Variants in AKAP8L observed in about 807,000 individuals in gnomAD.
AKAP8L encodes the protein A-kinase anchoring protein 8 like.
Under a neutral mutation model 77.5 loss-of-function variants are expected in AKAP8L, and 34 were observed. That is an observed-to-expected ratio of 0.44 (90% confidence interval 0.33 to 0.58). The LOEUF (loss-of-function observed/expected upper bound fraction) is 0.58. Ranked by LOEUF, AKAP8L falls within the 20% of genes least tolerant of loss-of-function variation. AKAP8L has a pLI of 0.02. For missense variants in AKAP8L, 806 were observed against 887.6 expected, an observed-to-expected ratio of 0.91 and a Z score of 1.17; for synonymous variants, 342 against 340.7, an observed-to-expected ratio of 1.00 and a Z score of -0.04.
chr19:15,395,959 G>A (rs1967763525), intron 12 of AKAP8L, among the ~76,000 whole-genome samples: 1 of 112,188 alleles, frequency 8.9e-6, no homozygotes, highest in East Asian at 3.2e-4. Context: ...ACTCCAGCCT[G>A]GGCGACAGAG....
rs146853706 is a variant in AKAP8L, at chr19:15,406,910, C to T, written c.89-2868G>A. On this transcript the variant is annotated intron_variant, in intron 2 of 13. Transcript: ENST00000397410. ...CCTACTCGGTGACATATCATGTAAG[C>T]ATATAAAAAGAATTTACTATGCCTT... Among the ~76,000 whole-genome samples the T allele has an allele frequency of 1.7e-3, 255 of 152,304 alleles. 2 individuals are homozygous for T. The highest frequency in any genetic ancestry group is 2.4e-3 in the Non-Finnish European group (165 of 68,030).
At chr19:15,387,506 T>A (rs559692489) in intron 12 of AKAP8L, among the ~76,000 whole-genome samples, 1 of 151,636 alleles carries the variant, frequency 6.6e-6, no homozygotes, top group African/African-American at 2.4e-5. Context: ...CTTTTTTTTT[T>A]CCCCCACCAC....
At position 15,391,031 on chromosome 19, in the gene AKAP8L, C is replaced by T. The variant is rs944513442; in HGVS notation, c.1536+6119G>A. On this transcript the variant is annotated intron_variant, in intron 12 of 13. Transcript: ENST00000397410. ...GACATCCATTCTCACCACTTCTATT[C>T]AATACTGTATTGGAGGTTCTAACCA... is the stretch of plus-strand genomic sequence containing the variant. Among the ~76,000 whole-genome samples, 9 of 152,198 alleles carry T rather than the reference C, an allele frequency of 5.9e-5. No individual in the cohort carries two copies. In the East Asian group the frequency reaches 1.2e-3, roughly 20 times the overall value.
intron 1 of AKAP8L, among the ~76,000 whole-genome samples, 152 bp downstream of exon 1, chr19:15,418,759 G>A (rs1968267025): frequency 6.6e-6 from 1 of 152,220 alleles, no homozygotes; most frequent in Non-Finnish European, 1.5e-5. Context: ...TGAGGGCAGC[G>A]ACCCTGAGGC....
chr19:15,414,489 T>TTTTG (rs982715949), intron 1 of AKAP8L, among the ~76,000 whole-genome samples: 1 of 152,062 alleles, frequency 6.6e-6, no homozygotes, highest in African/African-American at 2.4e-5. Context: ...TTCTTTTTTT[T>TTTTG]TTTGTTTGTT....
intron 1 of AKAP8L, among the ~76,000 whole-genome samples, chr19:15,411,307 A>C (rs540793380): frequency 6.6e-6 from 1 of 152,158 alleles, no homozygotes; most frequent in Non-Finnish European, 1.5e-5. Flanking sequence ...TAAATCTGAA[A>C]CAGAAACTGC....
intron 2 of AKAP8L, among the ~76,000 whole-genome samples, chr19:15,408,549 G>A (rs1968045175): frequency 8.6e-6 from 1 of 116,306 alleles, no homozygotes; most frequent in Admixed American, 1.1e-4. Context: ...GGCAACAAGA[G>A]CGAAACTCCA....
At chr19:15,392,065 C>T (rs1026452369) in intron 12 of AKAP8L, among the ~76,000 whole-genome samples, 2 of 152,192 alleles carry the variant, frequency 1.3e-5, no homozygotes, top group African/African-American at 4.8e-5. Context: ...AACTCTTGGA[C>T]TGAAGCAATC....
chr19:15,400,380 T>C (rs1170637314), intron 7 of AKAP8L, 22 bp from the exon 8 acceptor site: 1 of 1,576,290 alleles, frequency 6.3e-7, no homozygotes, highest in Admixed American at 2.0e-5. Flanking sequence ...AAATTCCAAC[T>C]TTAAAACAGG....
chr19:15,388,146 C>T (rs1204248417), intron 12 of AKAP8L, among the ~76,000 whole-genome samples: 1 of 151,846 alleles, frequency 6.6e-6, no homozygotes, highest in East Asian at 1.9e-4. Flanking sequence ...GGCTTCCTCC[C>T]TCCAAGACAC....
chr19:15,387,766 C>T (rs1281973600), intron 12 of AKAP8L, among the ~76,000 whole-genome samples: 2 of 152,204 alleles, frequency 1.3e-5, no homozygotes, highest in South Asian at 2.1e-4. Flanking sequence ...CGAGACCAGC[C>T]TGGCCAACAT....
rs1431040625 is a variant in AKAP8L at position 15,398,090 on chromosome 19, C to A, written c.1158-235G>T. ...ACAGGGGAGGAGCTCTTCCTTCCCA[C>A]AGGCAGGAGGCTGAAGCCTGAGACA... On this transcript the variant is annotated intron_variant, in intron 9 of 13. Transcript: ENST00000397410. This position sits in a 1 kb window ranked among gnomAD's most constrained non-coding sequence, Gnocchi z 9.2. 1 of 540,620 alleles carries A rather than the reference C, an allele frequency of 1.8e-6. No individual in the cohort carries two copies. The highest frequency in any genetic ancestry group is 3.3e-6 in the Non-Finnish European group (1 of 302,236). 33.5% of individuals were successfully genotyped at this position (540,620 alleles called of 1,614,324 possible). A position where few individuals can be genotyped will look rare whatever the true frequency, so the allele number is the denominator to read the frequency against.
chr19:15,400,052 G>A, intron 8 of AKAP8L: 1 of 570,068 alleles, frequency 1.8e-6, no homozygotes, highest in South Asian at 2.2e-5. Context: ...CCCATCTGAA[G>A]GCAAAACCAG....
chr19:15,395,981 C>G (rs1967764586), intron 12 of AKAP8L, among the ~76,000 whole-genome samples: 1 of 8,310 alleles, frequency 1.2e-4, no homozygotes, highest in South Asian at 2.9e-3. Flanking sequence ...GAGACTCCGT[C>G]TCAAAAAAAA....
chr19:15,397,781 T>G lies in AKAP8L; in HGVS notation c.1232A>C (p.Lys411Thr), dbSNP rs748745377. The change falls in exon 10 of 14, where the codon AAG becomes ACG. Residue 411 changes from lysine (K) to threonine (T), a missense_variant. Transcript: ENST00000397410. This position sits in a 1 kb window ranked among gnomAD's most constrained non-coding sequence, Gnocchi z 4.7. ...GTACTTAAAGTGTTCCTTGTGGAAC[T>G]TGCTGTCAAGATGGCTGGCCATCTC... ...EDEMASHLDSKFHKEHFKYVG... is the reference protein window; with the variant it reads ...EDEMASHLDSTFHKEHFKYVG... 5 of 1,614,012 alleles carry G rather than the reference T, an allele frequency of 3.1e-6. No homozygotes were observed. In the African/African-American group the frequency reaches 4.0e-5, roughly 13 times the overall value.
chr19:15,389,235 G>GA (rs1285680371), intron 12 of AKAP8L, among the ~76,000 whole-genome samples: 142 of 83,870 alleles, frequency 1.7e-3, no homozygotes, highest in Middle Eastern at 0.014. Context: ...AAAAAAAAAA[G>GA]AAAAAAAAAA....
rs796143582 is a variant in AKAP8L, at chr19:15,387,496, CT to C, written c.1537-6885del. On this transcript the variant is annotated intron_variant, in intron 12 of 13. Transcript: ENST00000397410. Reference sequence around the variant, plus strand: ...GGAGTTAAACACTGATAGCTTTGTCCTTTTTTTTTTCCCCCACCACACAGCC... The same window carrying C: ...GGAGTTAAACACTGATAGCTTTGTCCTTTTTTTTTCCCCCACCACACAGCC... Among the ~76,000 whole-genome samples the C allele has an allele frequency of 2.7e-3, 396 of 148,194 alleles. 1 individual carries two copies. Among genetic ancestry groups the C allele is most frequent in the African/African-American group, 9.2e-3 (374 of 40,440 alleles).
intron 12 of AKAP8L, among the ~76,000 whole-genome samples, chr19:15,384,088 C>T (rs1188987468): frequency 6.6e-6 from 1 of 151,798 alleles, no homozygotes; most frequent in Non-Finnish European, 1.5e-5. Flanking sequence ...CCCACCACCC[C>T]ACCCGGCTAA....
rs777517237 is a variant in AKAP8L at position 15,410,598 on chromosome 19, A to T, written c.14-4T>A. ...GTTTCAGATCCCTGGACAAAGCCTAAACATAAAGACAGTGGGGTTAATTTC... is the reference window on the plus strand; with the variant it reads ...GTTTCAGATCCCTGGACAAAGCCTATACATAAAGACAGTGGGGTTAATTTC... On this transcript the variant is annotated splice_polypyrimidine_tract_variant and splice_region_variant and intron_variant, in intron 1 of 13. Coordinates refer to ENST00000397410, the MANE Select transcript of AKAP8L (RefSeq NM_014371.4). The T allele has an allele frequency of 4.4e-6, 7 of 1,586,662 alleles. No homozygotes were observed. The South Asian group carries it at 8.1e-5, about 18-fold the overall frequency.
Sources: gnomAD v4.1 joint callset for allele counts (sites outside exome capture counted in the v4.1 genomes callset) on GRCh38, gnomAD v4.1.1 for gene constraint, Gnocchi (gnomAD v3.1) non-coding constraint, MANE v1.5 for transcripts, NCBI Gene and HGNC (gene_info 2026-07-23, HGNC 2026-07-21) for gene names.